USP54: variants seen among roughly 807,000 people sequenced by gnomAD.
The protein encoded by USP54 is ubiquitin carboxyl-terminal hydrolase 54.
Under a neutral mutation model 170.5 loss-of-function variants are expected in USP54, and 87 were observed. That is an observed-to-expected ratio of 0.51 (90% confidence interval 0.43 to 0.61). USP54 has a LOEUF of 0.61. Among genes scored for constraint, USP54 ranks in the 20% least tolerant of loss-of-function variants. USP54 has a pLI of 0.00. For missense variants in USP54, 1,786 were observed against 2,047.8 expected (o/e 0.87, Z 2.47); for synonymous variants, 655 against 742.8 (o/e 0.88, Z 1.92).
intron 4 of USP54, among the ~76,000 whole-genome samples, chr10:73,563,946 C>T (rs1425764177): frequency 1.3e-5 from 2 of 151,366 alleles, no homozygotes; most frequent in Non-Finnish European, 2.9e-5. Flanking sequence ...TTAATAAGTA[C>T]TTCCCTATCC....
chr10:73,562,956 A>AT (rs775006814), intron 4 of USP54, among the ~76,000 whole-genome samples: 7 of 151,320 alleles, frequency 4.6e-5, no homozygotes, highest in Non-Finnish European at 8.8e-5. Context: ...GTAACACTCA[A>AT]TTTTTTTTTC....
chr10:73,559,161 C>T (rs1437255158), intron 4 of USP54, among the ~76,000 whole-genome samples: 1 of 152,138 alleles, frequency 6.6e-6, no homozygotes, highest in Non-Finnish European at 1.5e-5. Flanking sequence ...TTGCTCATGC[C>T]TATAATCCCA....
intron 4 of USP54, among the ~76,000 whole-genome samples, chr10:73,565,498 A>C (rs891675729): frequency 6.6e-6 from 1 of 152,192 alleles, no homozygotes; most frequent in Non-Finnish European, 1.5e-5. Flanking sequence ...CCTGGGCAAC[A>C]GAACAAGATC....
intron 1 of USP54, among the ~76,000 whole-genome samples, chr10:73,609,602 T>C (rs949074602): frequency 3.3e-5 from 5 of 151,734 alleles, no homozygotes; most frequent in Non-Finnish European, 7.4e-5. Context: ...TCCCAGCACT[T>C]TGGGAGGCAG....
intron 5 of USP54, among the ~76,000 whole-genome samples, 154 bp from the exon 6 acceptor site, chr10:73,543,285 A>G (rs1358682018): frequency 6.6e-6 from 1 of 152,202 alleles, no homozygotes. Flanking sequence ...TTATAAATTC[A>G]TAGCAAGTTT....
chr10:73,530,737 C>A lies in USP54; in HGVS notation c.1414G>T (p.Asp472Tyr), dbSNP rs369153358. The change falls in exon 13 of 24, where the codon GAT (aspartate) becomes TAT (tyrosine). Residue 472 changes from aspartate (D) to tyrosine (Y), a missense_variant. Asp to Tyr is a radical substitution (Grantham distance 160). This residue lies in a region of USP54 where 1,418 missense variants were observed against 1,569.0 expected (regional missense o/e 0.90). Transcript: ENST00000687698. ...TGGTATCCCGAGGCCTGGGGCTCAT[C>A]GCCTTTCCTCCTAACCCGACCAGAG... ...RSSGRVRRKG[D>Y]EPQASGYHSE... 3 of 1,614,180 alleles carry A rather than the reference C, an allele frequency of 1.9e-6. No individual in the cohort carries two copies. Among genetic ancestry groups the A allele is most frequent in the South Asian group, 2.2e-5 (2 of 91,082 alleles).
At chr10:73,606,175 C>CAAAAAAAAAAAAAAAAAAAAAA (rs1178699732) in intron 1 of USP54, among the ~76,000 whole-genome samples, 5 of 25,620 alleles carry the variant, frequency 2.0e-4, no homozygotes, top group South Asian at 1.4e-3. Context: ...GAGGCTGTCT[C>CAAAAAAAAAAAAAAAAAAAAAA]AAAAAAAAAA....
intron 22 of USP54, 99 bp from the exon 23 acceptor site, chr10:73,500,937 G>A (rs547431371): frequency 1.6e-4 from 211 of 1,323,400 alleles, no homozygotes; most frequent in Non-Finnish European, 2.1e-4. Flanking sequence ...GGAAATGGAG[G>A]GAACCAGAGC....
intron 4 of USP54, among the ~76,000 whole-genome samples, chr10:73,566,964 C>T (rs1437763036): frequency 6.6e-6 from 1 of 151,916 alleles, no homozygotes; most frequent in Non-Finnish European, 1.5e-5. Flanking sequence ...GCAACCTCCG[C>T]TTCCCGGGTT....
chr10:73,539,699 T>C, intron 9 of USP54, 106 bp from the exon 10 acceptor site: 1 of 1,230,570 alleles, frequency 8.1e-7, no homozygotes, highest in African/African-American at 1.5e-5. Flanking sequence ...CTGACTTGCT[T>C]CTCTTCCCTT....
At chr10:73,599,028 G>A (rs1260867705) in intron 1 of USP54, among the ~76,000 whole-genome samples, 3 of 152,124 alleles carry the variant, frequency 2.0e-5, no homozygotes, top group East Asian at 1.9e-4. Context: ...GCAGTGAGCC[G>A]AGATCACGCC....
At chr10:73,595,045 C>G (rs2078616342), upstream of USP54, among the ~76,000 whole-genome samples, 1 of 152,014 alleles carries the variant, frequency 6.6e-6, no homozygotes, top group African/African-American at 2.4e-5. Flanking sequence ...CCTACCTCAG[C>G]CTCCAGAGTA....
intron 4 of USP54, among the ~76,000 whole-genome samples, chr10:73,569,107 G>A (rs1040892195): frequency 6.6e-6 from 1 of 152,120 alleles, no homozygotes; most frequent in Non-Finnish European, 1.5e-5. Flanking sequence ...AGAGTTTCCA[G>A]TGTCAGACAG....
intron 1 of USP54, among the ~76,000 whole-genome samples, chr10:73,598,090 A>C (rs2078876286): frequency 6.6e-6 from 1 of 152,144 alleles, no homozygotes; most frequent in African/African-American, 2.4e-5. Flanking sequence ...ATCTCAAAAA[A>C]AAGGTTGGAA....
intron 1 of USP54, among the ~76,000 whole-genome samples, chr10:73,579,502 C>T (rs1421204623): frequency 1.3e-5 from 2 of 152,034 alleles, no homozygotes; most frequent in Non-Finnish European, 2.9e-5. Flanking sequence ...TGCCTGTAAT[C>T]CCAGCACTTT....
rs758004808 is a variant in USP54, at chr10:73,500,798, C to T, written c.4352G>A (p.Arg1451His). ...NVRKPLETGHRCSSSSSLPVI... is the reference protein window; with the variant it reads ...NVRKPLETGHHCSSSSSLPVI... ...AGGGAGGGAAGAGGAGCTGGAACAACGGTGCCCGGTTTCCAAAGGCTTCCT... is the reference window on the plus strand; with the variant it reads ...AGGGAGGGAAGAGGAGCTGGAACAATGGTGCCCGGTTTCCAAAGGCTTCCT... The change falls in exon 23 of 24, where the codon CGT becomes CAT. Residue 1451 changes from arginine to histidine, a missense_variant. By Grantham distance (29) the Arg-to-His change is conservative. Around this residue, in one of 3 missense-constraint regions of USP54, gnomAD observed 1,418 missense variants for 1,569.0 expected, o/e 0.90. Transcript: ENST00000687698. 15 of 1,598,838 alleles carry T rather than the reference C, an allele frequency of 9.4e-6. No homozygotes were observed. The highest frequency in any genetic ancestry group is 2.3e-5 in the East Asian group (1 of 43,666).
At chr10:73,516,241 T>G (rs939201157) in intron 20 of USP54, 134 bp downstream of exon 20, 27 of 1,040,272 alleles carry the variant, frequency 2.6e-5, no homozygotes, top group East Asian at 4.9e-5. Flanking sequence ...GCTTTCTGAG[T>G]AAAGTCAAAA....
At chr10:73,502,286 C>T (rs1286244171) in intron 22 of USP54, among the ~76,000 whole-genome samples, 1 of 152,136 alleles carries the variant, frequency 6.6e-6, no homozygotes, top group African/African-American at 2.4e-5. Context: ...GTCCTCTCAG[C>T]ATGTGACACA....
chr10:73,602,439 G>A (rs141066747), intron 1 of USP54, among the ~76,000 whole-genome samples: 7,739 of 151,998 alleles, frequency 0.051, 602 homozygotes, highest in African/African-American at 0.17. Context: ...TGTAGTCCCA[G>A]CTACTCAGGA....
Sources: gnomAD v4.1 joint callset for allele counts (sites outside exome capture counted in the v4.1 genomes callset) on GRCh38, gnomAD v4.1.1 for gene constraint, gnomAD v4.1.1 regional missense constraint, MANE v1.5 for transcripts, NCBI Gene and HGNC (gene_info 2026-07-23, HGNC 2026-07-21) for gene names.